Variants in CACNA2D3 observed in about 807,000 individuals in gnomAD.
The protein encoded by CACNA2D3 is voltage-dependent calcium channel subunit alpha-2/delta-3.
CACNA2D3 carries 60 observed loss-of-function variants against 160.6 expected under a neutral mutation model. That is an observed-to-expected ratio of 0.37 (90% CI 0.30 to 0.46). CACNA2D3 has a LOEUF of 0.46. CACNA2D3 is among the 20% of genes least tolerant of loss of function. CACNA2D3 has a pLI of 1.00. For missense variants in CACNA2D3, 1,205 were observed against 1,365.0 expected, an observed-to-expected ratio of 0.88 and a Z score of 1.85; for synonymous variants, 558 against 492.9, an observed-to-expected ratio of 1.13 and a Z score of -1.75.
chr3:54,638,835 A>T (rs1010131917), intron 10 of CACNA2D3: 1 of 152,028 alleles, frequency 6.6e-6, no homozygotes, highest in South Asian at 2.1e-4. Context: ...ATTGGGGTCA[A>T]GTGGCATTGC....
At chr3:54,850,389 C>G (rs1004944336) in intron 17 of CACNA2D3, among the ~76,000 whole-genome samples, 6 of 152,150 alleles carry the variant, frequency 3.9e-5, no homozygotes, top group Admixed American at 3.9e-4. Flanking sequence ...TGTTATGATG[C>G]CCCTGGAATG....
rs147492831 is a variant in CACNA2D3 at position 54,607,939 on chromosome 3, A to G, written c.964-19848A>G. 7.2e-3 allele frequency among the ~76,000 whole-genome samples: 1,102 copies of G among 152,336 alleles called. 18 individuals carry two copies. Among genetic ancestry groups the G allele is most frequent in the African/African-American group, 0.025 (1,020 of 41,562 alleles). The stretch of plus-strand genomic sequence containing the variant: ...AGTTACATACTGTATGATTCCATTT[A>G]TATGACATTCTCAAAATAAAATTAT... On this transcript the variant is annotated intron_variant, in intron 9 of 37. Coordinates refer to ENST00000474759, the MANE Select transcript of CACNA2D3 (RefSeq NM_018398.3).
intron 3 of CACNA2D3, among the ~76,000 whole-genome samples, chr3:54,322,981 C>T (rs748423782): frequency 6.6e-6 from 1 of 152,140 alleles, no homozygotes; most frequent in Non-Finnish European, 1.5e-5. Flanking sequence ...TCTGTAATTA[C>T]GCTTGATGCT....
At chr3:54,243,994 TC>T (rs1276043443) in intron 2 of CACNA2D3, among the ~76,000 whole-genome samples, 1 of 151,916 alleles carries the variant, frequency 6.6e-6, no homozygotes, top group Non-Finnish European at 1.5e-5. Context: ...GGAGTCCTGC[TC>T]CCCCCGTCCT....
intron 4 of CACNA2D3, among the ~76,000 whole-genome samples, chr3:54,406,754 A>T (rs1230608253): frequency 6.6e-6 from 1 of 152,132 alleles, no homozygotes; most frequent in Admixed American, 6.6e-5. Flanking sequence ...CAACATGAGA[A>T]CTATAGTTAA....
chr3:54,290,315 T>G (rs2107475738), intron 2 of CACNA2D3, among the ~76,000 whole-genome samples: 1 of 152,292 alleles, frequency 6.6e-6, no homozygotes, highest in African/African-American at 2.4e-5. Context: ...GAAATGCTCA[T>G]CATCACTGGC....
intron 5 of CACNA2D3, among the ~76,000 whole-genome samples, chr3:54,524,585 G>A (rs575158260): frequency 1.4e-4 from 22 of 152,108 alleles, no homozygotes; most frequent in African/African-American, 4.6e-4. Flanking sequence ...GTGAGATATT[G>A]AAGTCCTCAC....
At chr3:54,628,560 T>A (rs1397016404) in intron 10 of CACNA2D3, among the ~76,000 whole-genome samples, 1 of 151,968 alleles carries the variant, frequency 6.6e-6, no homozygotes. Flanking sequence ...GAAGCAACCC[T>A]AGGAGGGCAA....
intron 4 of CACNA2D3, among the ~76,000 whole-genome samples, chr3:54,413,216 C>A (rs973038820): frequency 3.3e-5 from 5 of 151,270 alleles, no homozygotes; most frequent in Admixed American, 3.3e-4. Flanking sequence ...GATGTAATTC[C>A]ATTCTCTTCT....
chr3:54,271,997 T>C (rs1366506487), intron 2 of CACNA2D3, among the ~76,000 whole-genome samples: 4 of 152,206 alleles, frequency 2.6e-5, no homozygotes, highest in African/African-American at 9.7e-5. Context: ...GGGAGCGAGC[T>C]GTTTTCATCT....
At chr3:54,968,576 G>A in intron 28 of CACNA2D3, 65 bp downstream of exon 28, 16 of 1,214,584 alleles carry the variant, frequency 1.3e-5, no homozygotes, top group Non-Finnish European at 1.9e-5. Context: ...TCCCATTTGG[G>A]TACCTGGAGC....
chr3:54,563,594 G>T (rs966213262), intron 6 of CACNA2D3, among the ~76,000 whole-genome samples: 1 of 152,130 alleles, frequency 6.6e-6, no homozygotes, highest in Admixed American at 6.5e-5. Flanking sequence ...GGCTTGGTTT[G>T]AATTTTAATT....
chr3:54,671,806 C>T (rs1249398396), intron 11 of CACNA2D3, among the ~76,000 whole-genome samples: 1 of 152,184 alleles, frequency 6.6e-6, no homozygotes, highest in Non-Finnish European at 1.5e-5. Context: ...GTTGCCAAGA[C>T]CTAGCACCCT....
intron 4 of CACNA2D3, among the ~76,000 whole-genome samples, chr3:54,476,219 TATTA>T (rs941777200): frequency 3.4e-5 from 5 of 148,586 alleles, no homozygotes; most frequent in Non-Finnish European, 4.5e-5. Context: ...ATGAATATTA[TATTA>T]ATTATATTAA....
intron 11 of CACNA2D3, among the ~76,000 whole-genome samples, chr3:54,674,161 G>T (rs1700201982): frequency 1.3e-5 from 2 of 152,172 alleles, no homozygotes; most frequent in Non-Finnish European, 2.9e-5. Flanking sequence ...GAATAACTTT[G>T]GGTAATTGTT....
At chr3:54,911,994 G>A (rs182020261) in intron 27 of CACNA2D3, among the ~76,000 whole-genome samples, 115 of 152,300 alleles carry the variant, frequency 7.6e-4, no homozygotes, top group African/African-American at 2.4e-3. Context: ...TCTTCCATGA[G>A]GCTGAAATGA....
intron 16 of CACNA2D3, among the ~76,000 whole-genome samples, chr3:54,841,435 T>C (rs1268389233): frequency 6.6e-6 from 1 of 152,308 alleles, no homozygotes; most frequent in African/African-American, 2.4e-5. Context: ...GACGTAGATA[T>C]GGCATAAGTT....
chr3:54,774,338 C>G (rs761046810), intron 13 of CACNA2D3, among the ~76,000 whole-genome samples: 4 of 152,124 alleles, frequency 2.6e-5, no homozygotes, highest in African/African-American at 9.7e-5. Context: ...AGGAAACTTA[C>G]AATCATCGTG....
intron 4 of CACNA2D3, among the ~76,000 whole-genome samples, chr3:54,437,580 A>G (rs1368269403): frequency 1.3e-5 from 2 of 152,206 alleles, no homozygotes; most frequent in East Asian, 1.9e-4. Flanking sequence ...CCTTCAGCCA[A>G]GGGGTGCCGA....
Sources: allele counts gnomAD v4.1 joint callset (sites outside exome capture counted in the v4.1 genomes callset), GRCh38; gene constraint gnomAD v4.1.1; transcripts MANE v1.5; gene names NCBI Gene and HGNC (gene_info 2026-07-23, HGNC 2026-07-21).